Variants in RAPGEF4 observed in about 807,000 individuals in gnomAD.
RAPGEF4 encodes RAP guanine-nucleotide-exchange factor (GEF) 4.
A neutral mutation model predicts 147.9 loss-of-function variants in RAPGEF4; 66 were observed. The ratio of observed to expected loss-of-function variants is 0.45; its 90% CI spans 0.37 to 0.55. The LOEUF (loss-of-function observed/expected upper bound fraction) is 0.55. RAPGEF4 is among the 20% of genes least tolerant of loss of function. RAPGEF4 has a pLI of 0.00. For synonymous variants in RAPGEF4, 419 were observed against 442.7 expected, an observed-to-expected ratio of 0.95 and a Z score of 0.67; for missense variants, 1,071 against 1,257.3, an observed-to-expected ratio of 0.85 and a Z score of 2.24.
chr2:172,807,841 A>G (rs963885038), intron 3 of RAPGEF4, among the ~76,000 whole-genome samples: 1 of 152,228 alleles, frequency 6.6e-6, no homozygotes, highest in African/African-American at 2.4e-5. Context: ...TTAACTCAGT[A>G]TATGTCCAAA....
At chr2:172,789,478 C>T (rs560656605) in intron 1 of RAPGEF4, among the ~76,000 whole-genome samples, 1 of 152,050 alleles carries the variant, frequency 6.6e-6, no homozygotes, top group East Asian at 1.9e-4. Context: ...AGAACACTTA[C>T]TATGAGATCT....
rs368474331 is a variant in RAPGEF4, at chr2:172,866,951, CT to C, written c.445-50835del. On this transcript the variant is annotated intron_variant, in intron 4 of 30. Transcript: ENST00000397081. ...AAGTCTTTTCTATCTCAAAACTGCT[CT>C]TTTTTTTTTTTTTTTCTTGAGACAG... Among the ~76,000 whole-genome samples, 410 of 139,732 alleles carry C rather than the reference CT, an allele frequency of 2.9e-3. 2 individuals are homozygous for C. The highest frequency in any genetic ancestry group is 0.018 in the South Asian group (77 of 4,392). The allele number at this position is 139,732 out of a possible 152,430, so 91.7% of individuals were successfully genotyped here. A position where few individuals can be genotyped will look rare whatever the true frequency, so the allele number is the denominator to read the frequency against.
At chr2:172,936,947 C>G (rs987695057) in intron 6 of RAPGEF4, among the ~76,000 whole-genome samples, 7 of 147,474 alleles carry the variant, frequency 4.7e-5, no homozygotes, top group Non-Finnish European at 8.9e-5. Context: ...CACTTGTAAT[C>G]CCAGCACTTT....
At chr2:172,969,105 C>T (rs1270303992) in intron 10 of RAPGEF4, among the ~76,000 whole-genome samples, 5 of 152,224 alleles carry the variant, frequency 3.3e-5, no homozygotes, top group African/African-American at 1.2e-4. Context: ...ACTGCAGTAC[C>T]TAGGAACCCA....
intron 1 of RAPGEF4, among the ~76,000 whole-genome samples, chr2:172,784,711 C>G (rs1193907054): frequency 1.3e-5 from 2 of 152,090 alleles, no homozygotes; most frequent in South Asian, 2.1e-4. Context: ...TGGTAAACAT[C>G]TTGAGTTTCA....
intron 4 of RAPGEF4, among the ~76,000 whole-genome samples, chr2:172,888,930 A>G (rs1323584924): frequency 3.3e-5 from 5 of 152,160 alleles, no homozygotes; most frequent in Non-Finnish European, 5.9e-5. Flanking sequence ...CCAGTTGTCC[A>G]TCTTCCTGGG....
chr2:172,756,165 T>G (rs1695756673), intron 1 of RAPGEF4, among the ~76,000 whole-genome samples: 2 of 152,338 alleles, frequency 1.3e-5, no homozygotes, highest in South Asian at 2.1e-4. Context: ...CAAATATTGT[T>G]TCGTAGATAG....
intron 6 of RAPGEF4, among the ~76,000 whole-genome samples, chr2:172,939,385 A>G (rs555922351): frequency 1.8e-4 from 28 of 152,220 alleles, no homozygotes; most frequent in African/African-American, 6.7e-4. Context: ...CTTGTTTTTA[A>G]TTTCCATTTC....
At chr2:173,019,373 A>G (rs960608996) in intron 22 of RAPGEF4, among the ~76,000 whole-genome samples, 1 of 152,242 alleles carries the variant, frequency 6.6e-6, no homozygotes, top group Non-Finnish European at 1.5e-5. Context: ...TACTGGCCAC[A>G]GTGTGGCTAC....
intron 4 of RAPGEF4, among the ~76,000 whole-genome samples, chr2:172,846,612 A>G (rs1196916165): frequency 2.0e-5 from 3 of 152,120 alleles, no homozygotes; most frequent in Non-Finnish European, 4.4e-5. Context: ...CAGTTCTTAG[A>G]TCGTGCATTT....
Position 172,823,055 on chromosome 2 carries a change from T to C in RAPGEF4, c.444+8630T>C, listed in dbSNP as rs74340852. Among the ~76,000 whole-genome samples the C allele has an allele frequency of 7.9e-5, 12 of 152,284 alleles. 1 individual carries two copies. The highest frequency in any genetic ancestry group is 2.6e-4 in the African/African-American group (11 of 41,552). ...AATATGAGACAAACTGAAAAAATAC[T>C]CTAAGAAAGATCCAGCGTGCTAAAG... is the stretch of plus-strand genomic sequence containing the variant. On this transcript the variant is annotated intron_variant, in intron 4 of 30. Coordinates refer to ENST00000397081, the MANE Select transcript of RAPGEF4 (RefSeq NM_007023.4).
chr2:172,803,801 G>T (rs879417794), intron 3 of RAPGEF4, among the ~76,000 whole-genome samples: 2 of 152,174 alleles, frequency 1.3e-5, no homozygotes, highest in Admixed American at 1.3e-4. Flanking sequence ...TTGCTGCATA[G>T]AAATTTCTTC....
chr2:172,853,193 A>C (rs1313220616), intron 4 of RAPGEF4, among the ~76,000 whole-genome samples: 1 of 152,020 alleles, frequency 6.6e-6, no homozygotes, highest in Admixed American at 6.5e-5. Context: ...TCATTTTCTG[A>C]AGAAGTCATG....
chr2:172,980,779 T>C (rs1400885441), intron 10 of RAPGEF4, among the ~76,000 whole-genome samples: 1 of 152,110 alleles, frequency 6.6e-6, no homozygotes, highest in Non-Finnish European at 1.5e-5. Context: ...AGATGCAATA[T>C]TATTAATATG....
chr2:172,988,022 T>G (rs1473397498), intron 12 of RAPGEF4, among the ~76,000 whole-genome samples, 174 bp from the exon 13 acceptor site: 1 of 152,244 alleles, frequency 6.6e-6, no homozygotes, highest in Non-Finnish European at 1.5e-5. Context: ...TCTTTTGTAT[T>G]CTATAGAAAA....
chr2:172,879,535 A>G (rs1267420427), intron 4 of RAPGEF4, among the ~76,000 whole-genome samples: 1 of 152,124 alleles, frequency 6.6e-6, no homozygotes, highest in Non-Finnish European at 1.5e-5. Context: ...TTACATCTCT[A>G]TTACAATAAG....
At chr2:172,897,833 T>A (rs1044649616) in intron 4 of RAPGEF4, among the ~76,000 whole-genome samples, 1 of 151,364 alleles carries the variant, frequency 6.6e-6, no homozygotes, top group East Asian at 1.9e-4. Context: ...ACTTCATGTC[T>A]TAGCTTCACG....
At position 172,814,188 on chromosome 2, in the gene RAPGEF4, C is replaced by T. The variant is rs796943539; in HGVS notation, c.298-91C>T. On this transcript the variant is annotated intron_variant, in intron 3 of 30. Transcript: ENST00000397081. ...CTATGCAATTAAATTGGGTGTTTTG[C>T]CTTGTACAAATTATACTGCAGTTAA... 1.0e-5 allele frequency: 14 copies of T among 1,345,028 alleles called. No homozygotes were observed. In the African/African-American group the frequency reaches 1.9e-4, roughly 18 times the overall value. 83.3% of individuals were successfully genotyped at this position (1,345,028 alleles called of 1,614,324 possible).
chr2:172,994,965 T>G lies in RAPGEF4; in HGVS notation c.1491-1501T>G, dbSNP rs147658674. Among the ~76,000 whole-genome samples the G allele has an allele frequency of 3.7e-3, 560 of 152,274 alleles. 4 individuals carry two copies. The highest frequency in any genetic ancestry group is 0.013 in the African/African-American group (531 of 41,552). The stretch of plus-strand genomic sequence containing the variant: ...TTGGTCTTGTGCGCGCACTATAGTT[T>G]TAGCTAACAGCTGCCTTCCAGATAG... On this transcript the variant is annotated intron_variant, in intron 15 of 30. Transcript: ENST00000397081.
Sources: gnomAD v4.1 joint callset for allele counts (sites outside exome capture counted in the v4.1 genomes callset) on GRCh38, gnomAD v4.1.1 for gene constraint, MANE v1.5 for transcripts, NCBI Gene and HGNC (gene_info 2026-07-23, HGNC 2026-07-21) for gene names.